IGSF21: variants seen among roughly 807,000 people sequenced by gnomAD.
The protein encoded by IGSF21 is immunoglobin superfamily member 21.
A neutral mutation model predicts 46.8 loss-of-function variants in IGSF21; 28 were observed. The observed-to-expected ratio is 0.60, with a 90% CI of 0.44 to 0.82. The LOEUF is 0.82. Ranked by LOEUF, IGSF21 falls within the 40% of genes least tolerant of loss-of-function variation. The pLI, the probability that IGSF21 is intolerant of heterozygous loss-of-function variation, is 0.00. For synonymous variants in IGSF21, 284 were observed against 273.6 expected (o/e 1.04, Z -0.38); for missense variants, 624 against 665.5 (o/e 0.94, Z 0.69).
chr1:18,140,561 C>T (rs1351117771), intron 1 of IGSF21, among the ~76,000 whole-genome samples: 3 of 152,290 alleles, frequency 2.0e-5, no homozygotes, highest in East Asian at 1.9e-4. Context: ...GCGGGCACTC[C>T]CACATCGTGG....
intron 4 of IGSF21, among the ~76,000 whole-genome samples, chr1:18,346,265 G>A (rs982828138): frequency 3.9e-5 from 6 of 152,062 alleles, no homozygotes; most frequent in South Asian, 2.1e-4. Context: ...CCAGCAGCCC[G>A]GAGTCCAATC....
chr1:18,372,485 A>G (rs1044802391), intron 6 of IGSF21, among the ~76,000 whole-genome samples: 2 of 152,048 alleles, frequency 1.3e-5, no homozygotes, highest in Admixed American at 6.6e-5. Context: ...GAATAGATGA[A>G]TGAATAAAAT....
intron 1 of IGSF21, among the ~76,000 whole-genome samples, chr1:18,130,294 C>T (rs2086306712): frequency 6.6e-6 from 1 of 152,196 alleles, no homozygotes; most frequent in Non-Finnish European, 1.5e-5. Context: ...TAGTTCAACT[C>T]TTCACACCAG....
intron 6 of IGSF21, among the ~76,000 whole-genome samples, chr1:18,368,564 C>T (rs1482209780): frequency 6.7e-6 from 1 of 148,486 alleles, no homozygotes; most frequent in Non-Finnish European, 1.5e-5. Context: ...CATCACAAGG[C>T]CAGGCCCTGT....
intron 1 of IGSF21, chr1:18,114,609 A>G (rs1206643268): frequency 6.6e-6 from 1 of 152,228 alleles, no homozygotes; most frequent in Admixed American, 6.5e-5. Flanking sequence ...GGCCCTGACT[A>G]GATATCTTAA....
chr1:18,209,816 G>C (rs116472838), intron 1 of IGSF21, among the ~76,000 whole-genome samples: 372 of 152,058 alleles, frequency 2.4e-3, no homozygotes, highest in African/African-American at 8.4e-3. Context: ...GCCCTGCCCT[G>C]GTCCTGTCAT....
intron 1 of IGSF21, among the ~76,000 whole-genome samples, chr1:18,118,936 T>C (rs9660827): frequency 0.97 from 143,419 of 148,410 alleles, 69,470 homozygotes; most frequent in Non-Finnish European, 1. Context: ...TTCTTCCTTC[T>C]TTCCTTCTTT....
chr1:18,115,889 G>GAA, intron 1 of IGSF21: 1 of 99,046 alleles, frequency 1.0e-5, no homozygotes, highest in Admixed American at 1.3e-4. Flanking sequence ...AAGAAAGAAA[G>GAA]AAAGAAAGAA....
At chr1:18,121,786 C>T (rs1341068464) in intron 1 of IGSF21, among the ~76,000 whole-genome samples, 1 of 152,120 alleles carries the variant, frequency 6.6e-6, no homozygotes. Flanking sequence ...AAAATTTCAC[C>T]CACACCCCCA....
intron 1 of IGSF21, among the ~76,000 whole-genome samples, chr1:18,176,659 C>T (rs1031018284): frequency 6.6e-6 from 1 of 152,186 alleles, no homozygotes; most frequent in Admixed American, 6.5e-5. Context: ...ACCCTGTGAC[C>T]TTCTTCCCAC....
At chr1:18,150,105 G>A (rs1267659451) in intron 1 of IGSF21, among the ~76,000 whole-genome samples, 1 of 152,074 alleles carries the variant, frequency 6.6e-6, no homozygotes, top group Non-Finnish European at 1.5e-5. Context: ...CAAAAAATTA[G>A]CCGGGTGCAG....
At chr1:18,329,891 G>A (rs192724000) in intron 3 of IGSF21, among the ~76,000 whole-genome samples, 27 of 152,340 alleles carry the variant, frequency 1.8e-4, no homozygotes, top group Admixed American at 3.3e-4. Context: ...AAGGCATGCA[G>A]GTCACGGGGC....
rs996344035 is a variant in IGSF21, at chr1:18,335,831, G to A, written c.424+821G>A. 1.1e-4 allele frequency among the ~76,000 whole-genome samples: 16 copies of A among 152,210 alleles called. No homozygotes were observed. Among genetic ancestry groups the A allele is most frequent in the Non-Finnish European group, 1.5e-5 (1 of 68,038 alleles). On this transcript the variant is annotated intron_variant, in intron 4 of 9. Coordinates refer to ENST00000251296, the MANE Select transcript of IGSF21 (RefSeq NM_032880.5). The surrounding 1 kb of genome is among the most constrained non-coding windows in gnomAD (Gnocchi z 4.8). Reference sequence around the variant, plus strand: ...GGAAATTGAAAACCTCCAAAGGCCAGACCTCCAGAGGGACATTGATTCCTG... The same window carrying A: ...GGAAATTGAAAACCTCCAAAGGCCAAACCTCCAGAGGGACATTGATTCCTG...
Position 18,378,474 on chromosome 1 carries a change from ATT to A in IGSF21, c.*151_*152del. 1.5e-6 allele frequency: 1 copy of A among 676,606 alleles called. No homozygotes were observed. 41.9% of individuals were successfully genotyped at this position (676,606 alleles called of 1,614,324 possible). On this transcript the variant is annotated 3_prime_UTR_variant, in exon 10 of 10. Transcript: ENST00000251296. ...CGGTTTAATTAAAACAAACAGAACAATTTTCCCCACCTCGGTTTGTGGCTCTG... is the reference window on the plus strand; with the variant it reads ...CGGTTTAATTAAAACAAACAGAACAATTCCCCACCTCGGTTTGTGGCTCTG...
At chr1:18,259,157 G>A (rs1041054933) in intron 2 of IGSF21, among the ~76,000 whole-genome samples, 1 of 152,210 alleles carries the variant, frequency 6.6e-6, no homozygotes, top group Non-Finnish European at 1.5e-5. Flanking sequence ...TCGGGGCTGA[G>A]CCACATGACT....
At chr1:18,251,992 G>T (rs576329808) in intron 2 of IGSF21, among the ~76,000 whole-genome samples, 1 of 149,434 alleles carries the variant, frequency 6.7e-6, no homozygotes, top group Admixed American at 6.7e-5. Context: ...TTGCCAAATG[G>T]GTTTTCTCTG....
intron 3 of IGSF21, among the ~76,000 whole-genome samples, chr1:18,324,663 C>T (rs2085640514): frequency 6.6e-6 from 1 of 152,194 alleles, no homozygotes; most frequent in Non-Finnish European, 1.5e-5. Context: ...AGGAATGGAG[C>T]TTCTCCATGT....
chr1:18,243,676 T>C (rs778635512), intron 2 of IGSF21, among the ~76,000 whole-genome samples: 9 of 152,182 alleles, frequency 5.9e-5, no homozygotes, highest in Non-Finnish European at 1.2e-4. Context: ...CTTTCTGGCC[T>C]CGCCCACTCC....
At chr1:18,154,036 T>G (rs1438527168) in intron 1 of IGSF21, among the ~76,000 whole-genome samples, 1 of 152,176 alleles carries the variant, frequency 6.6e-6, no homozygotes, top group African/African-American at 2.4e-5. Context: ...TCTGCATCCG[T>G]GGGATCCACA....
Sources: gnomAD v4.1 joint callset for allele counts (sites outside exome capture counted in the v4.1 genomes callset) on GRCh38, gnomAD v4.1.1 for gene constraint, Gnocchi (gnomAD v3.1) non-coding constraint, MANE v1.5 for transcripts, NCBI Gene and HGNC (gene_info 2026-07-23, HGNC 2026-07-21) for gene names.